The following CEP95 variants were observed in gnomAD, a reference collection of about 807,000 sequenced individuals.
CEP95 encodes the protein centrosomal protein of 95 kDa.
Under a neutral mutation model 111.2 loss-of-function variants are expected in CEP95, and 98 were observed. That is an observed-to-expected ratio of 0.88 (90% CI 0.75 to 1.04). CEP95 has a LOEUF of 1.04. Among genes scored for constraint, CEP95 ranks in the 50% least tolerant of loss-of-function variants. The pLI, the probability that CEP95 is intolerant of heterozygous loss-of-function variation, is 0.00. For missense variants in CEP95, 1,027 were observed against 977.2 expected, an observed-to-expected ratio of 1.05 and a Z score of -0.68; for synonymous variants, 323 against 327.1, an observed-to-expected ratio of 0.99 and a Z score of 0.14.
intron 12 of CEP95, among the ~76,000 whole-genome samples, chr17:64,530,232 A>G (rs1555679989): frequency 1.3e-5 from 2 of 152,094 alleles, no homozygotes; most frequent in South Asian, 2.1e-4. Flanking sequence ...CTAAAAATAC[A>G]AAAATTAGCC....
Position 64,508,694 on chromosome 17 carries a change from A to C in CEP95, c.122A>C (p.Gln41Pro), listed in dbSNP as rs1198786131. 1 of 1,434,382 alleles carries C rather than the reference A, an allele frequency of 7.0e-7. No individual in the cohort carries two copies. The highest frequency in any genetic ancestry group is 1.4e-5 in the African/African-American group (1 of 69,044). The allele number at this position is 1,434,382 out of a possible 1,614,324, so 88.9% of individuals were successfully genotyped here. A position where few individuals can be genotyped will look rare whatever the true frequency, so the allele number is the denominator to read the frequency against. Reference protein sequence around the residue: ...CDANVFIALYQSILGEKVPDL... With the variant: ...CDANVFIALYPSILGEKVPDL... ...GCTAATGTTTTTATTGCTCTTTATC[A>C]GTCTATTTTGGGAGAAAAGGTACCA... is the stretch of plus-strand genomic sequence containing the variant. The change falls in exon 2 of 20, where the codon CAG becomes CCG. Residue 41 changes from glutamine (Q) to proline (P), a missense_variant. Physicochemically the swap from Gln to Pro is moderately conservative, Grantham distance 76. Coordinates refer to ENST00000556440, the MANE Select transcript of CEP95 (RefSeq NM_138363.3).
At chr17:64,522,196 T>C (rs1231700173) in intron 7 of CEP95, among the ~76,000 whole-genome samples, 1 of 152,212 alleles carries the variant, frequency 6.6e-6, no homozygotes, top group East Asian at 1.9e-4. Flanking sequence ...GGAATTTTCA[T>C]ATGGTAGTAA....
intron 2 of CEP95, among the ~76,000 whole-genome samples, chr17:64,509,019 G>A (rs1011309318): frequency 7.9e-5 from 12 of 151,972 alleles, no homozygotes; most frequent in East Asian, 1.9e-4. Flanking sequence ...TGATAATCAC[G>A]GCTTAACCTA....
At chr17:64,534,817 TC>T (rs1419920015) in intron 17 of CEP95, 80 bp downstream of exon 17, 20 of 1,509,948 alleles carry the variant, frequency 1.3e-5, no homozygotes, top group Middle Eastern at 3.4e-4. Flanking sequence ...TGTTCGTGAC[TC>T]TTGTCCAAAT....
chr17:64,526,177 C>T lies in CEP95; in HGVS notation c.1129C>T (p.Gln377Ter). The T allele has an allele frequency of 6.2e-7, 1 of 1,612,874 alleles. No homozygotes were observed. The highest frequency in any genetic ancestry group is 1.1e-5 in the South Asian group (1 of 90,746). ...ACATGATGTATCAGAAAAACTCTCTCAGCGGCTTTCTGAACTAGATTGGGC... is the reference window on the plus strand; with the variant it reads ...ACATGATGTATCAGAAAAACTCTCTTAGCGGCTTTCTGAACTAGATTGGGC... ...ELHDVSEKLS[Q>*]RLSELDWMLK... The change falls in exon 10 of 20, where the codon CAG becomes TAG. Residue 377 changes from glutamine to a stop codon, truncating the protein, a stop_gained. Coordinates refer to ENST00000556440, the MANE Select transcript of CEP95 (RefSeq NM_138363.3). LOFTEE classifies it high-confidence loss of function.
chr17:64,534,558 C>T (rs782729237), intron 16 of CEP95, 27 bp from the exon 17 acceptor site: 6 of 1,604,424 alleles, frequency 3.7e-6, no homozygotes, highest in Non-Finnish European at 5.1e-6. Context: ...CCTTACCCTT[C>T]TCTTCCCTCC....
intron 12 of CEP95, 123 bp downstream of exon 12, chr17:64,529,550 G>A: frequency 1.1e-6 from 1 of 951,398 alleles, no homozygotes; most frequent in Non-Finnish European, 1.6e-6. Flanking sequence ...TGAGCGGAGT[G>A]GATGATAGAG....
At chr17:64,527,671 C>T (rs186423398) in intron 11 of CEP95, among the ~76,000 whole-genome samples, 13 of 152,048 alleles carry the variant, frequency 8.5e-5, no homozygotes, top group Admixed American at 2.6e-4. Flanking sequence ...CTGCAACTTG[C>T]GTTTTTTTCT....
At chr17:64,518,978 G>C (rs533320286) in intron 5 of CEP95, among the ~76,000 whole-genome samples, 1 of 152,116 alleles carries the variant, frequency 6.6e-6, no homozygotes. Flanking sequence ...ACCATGCCCG[G>C]CCTGATGAAC....
At chr17:64,511,588 T>C (rs561784489) in intron 3 of CEP95, among the ~76,000 whole-genome samples, 6 of 152,312 alleles carry the variant, frequency 3.9e-5, no homozygotes, top group South Asian at 4.1e-4. Context: ...TGCCCAGATT[T>C]CATATTGTTC....
chr17:64,522,956 G>GTGTT, intron 8 of CEP95, 61 bp downstream of exon 8: 1 of 1,334,388 alleles, frequency 7.5e-7, no homozygotes, highest in Non-Finnish European at 1.0e-6. Flanking sequence ...GTCTGTGTGT[G>GTGTT]TGTTGGTAAT....
intron 11 of CEP95, among the ~76,000 whole-genome samples, chr17:64,527,901 C>CAT (rs1380857967): frequency 6.7e-6 from 1 of 150,146 alleles, no homozygotes; most frequent in Non-Finnish European, 1.5e-5. Flanking sequence ...TACACACACA[C>CAT]ACACACGCGT....
At chr17:64,515,794 T>C (rs558871079) in intron 4 of CEP95, 2 of 152,296 alleles carry the variant, frequency 1.3e-5, no homozygotes, top group South Asian at 2.1e-4. Context: ...TTAACAGTAA[T>C]GGGAAACAAA....
At chr17:64,506,875 T>C (rs1347372970), upstream of CEP95, 7 of 641,260 alleles carry the variant, frequency 1.1e-5, no homozygotes, top group Non-Finnish European at 1.7e-5. Flanking sequence ...TCTCTAAACT[T>C]CCCAAACCGC....
At position 64,537,755 on chromosome 17, in the gene CEP95, G is replaced by C; in HGVS notation, c.2442G>C (p.Gln814His). Residue 814 changes from glutamine (Q) to histidine (H), a missense_variant, in exon 20 of 20, where the codon CAG becomes CAC. By Grantham distance (24) the Gln-to-His change is conservative. Transcript: ENST00000556440. ...CTCGGCTTCAGCTGGCTTCCTTTCA[G>C]TACAGTAAAAGTCCCTCCCTATGAG... ...FRSRLQLASF[Q>H]YSKSPSL is the part of the protein sequence containing the mutation. 1 of 1,604,916 alleles carries C rather than the reference G, an allele frequency of 6.2e-7. No individual in the cohort carries two copies. Among genetic ancestry groups the C allele is most frequent in the Non-Finnish European group, 8.5e-7 (1 of 1,175,636 alleles).
At position 64,515,339 on chromosome 17, in the gene CEP95, A is replaced by C. The variant is rs6504239; in HGVS notation, c.367+981A>C. Among the ~76,000 whole-genome samples the C allele has an allele frequency of 3.0e-3, 451 of 152,332 alleles. 2 individuals carry two copies. Among genetic ancestry groups the C allele is most frequent in the African/African-American group, 0.011 (439 of 41,568 alleles). ...GGTGGGACTCACCTAATTCAAGGCTACCAGTAGGTATTTGTATGCTGTGTA... is the reference window on the plus strand; with the variant it reads ...GGTGGGACTCACCTAATTCAAGGCTCCCAGTAGGTATTTGTATGCTGTGTA... On this transcript the variant is annotated intron_variant, in intron 4 of 19. Transcript: ENST00000556440.
At chr17:64,526,959 CAAAAT>C (rs1428450460) in intron 10 of CEP95, 147 bp from the exon 11 acceptor site, 4 of 551,376 alleles carry the variant, frequency 7.3e-6, no homozygotes, top group African/African-American at 3.8e-5. Flanking sequence ...GATCCTGTCT[CAAAAT>C]AAAAGTAAAT....
In CEP95 at chr17:64,537,466, G is replaced by GTCTC. The variant is rs1568162030; in HGVS notation, c.2290-135_2290-132dup. 3 of 1,396,532 alleles carry GTCTC rather than the reference G, an allele frequency of 2.1e-6. No homozygotes were observed. In the Admixed American group the frequency reaches 9.5e-5, roughly 44 times the overall value. 86.5% of individuals were successfully genotyped at this position (1,396,532 alleles called of 1,614,324 possible). On this transcript the variant is annotated intron_variant, in intron 19 of 19. Transcript: ENST00000556440. ...ATCCTATGATTTTAACTTTAGTTAG[G>GTCTC]TCTCTGTAAGAGCTGCTGTTGCTAG...
intron 1 of CEP95, chr17:64,508,005 T>G (rs1024287181): frequency 1.0e-6 from 1 of 985,186 alleles, no homozygotes; most frequent in East Asian, 1.1e-4. Context: ...TTCCCATATT[T>G]TCTTTCATAT....
Sources: allele counts gnomAD v4.1 joint callset (sites outside exome capture counted in the v4.1 genomes callset), GRCh38; gene constraint gnomAD v4.1.1; transcripts MANE v1.5; gene names NCBI Gene and HGNC (gene_info 2026-07-23, HGNC 2026-07-21).